Variants in CYB5RL observed in about 807,000 individuals in gnomAD.
CYB5RL encodes the protein cytochrome b5 reductase like.
CYB5RL carries 38 observed loss-of-function variants against 37.5 expected under a neutral mutation model. The observed-to-expected ratio is 1.01, with a 90% CI of 0.78 to 1.33. CYB5RL has a LOEUF of 1.33. CYB5RL is among the 40% of genes most tolerant of loss of function. The pLI, the probability that CYB5RL is intolerant of heterozygous loss-of-function variation, is 0.00. For synonymous variants in CYB5RL, 141 were observed against 151.9 expected (o/e 0.93, Z 0.53); for missense variants, 388 against 394.4 (o/e 0.98, Z 0.14).
chr1:54,175,212 C>T (rs1337979370), intron 7 of CYB5RL, among the ~76,000 whole-genome samples: 2 of 152,216 alleles, frequency 1.3e-5, no homozygotes, highest in Non-Finnish European at 2.9e-5. Context: ...TCATCACCCT[C>T]GGAGCATAAC....
At chr1:54,192,181 A>AT (rs11302690) in intron 3 of CYB5RL, among the ~76,000 whole-genome samples, 68 of 110,856 alleles carry the variant, frequency 6.1e-4, no homozygotes, top group African/African-American at 1.1e-3. Flanking sequence ...CTGTTTGCAA[A>AT]TTTTTTTTTT....
chr1:54,197,044 G>C (rs1054084776), intron 1 of CYB5RL, among the ~76,000 whole-genome samples: 4 of 152,198 alleles, frequency 2.6e-5, no homozygotes, highest in African/African-American at 9.6e-5. Flanking sequence ...TAGACAGAAG[G>C]CTCAAGAAGA....
chr1:54,196,323 G>A (rs982339172), intron 2 of CYB5RL, 46 bp downstream of exon 2: 1 of 152,212 alleles, frequency 6.6e-6, no homozygotes, highest in Non-Finnish European at 1.5e-5. Context: ...GAGTAGCTGA[G>A]ACTACAGGTG....
chr1:54,190,427 C>T (rs951124640), intron 4 of CYB5RL: 7 of 552,552 alleles, frequency 1.3e-5, no homozygotes, highest in Non-Finnish European at 1.9e-5. Flanking sequence ...AGTTTCTGGA[C>T]CTCTCTTACT....
At position 54,190,738 on chromosome 1, in the gene CYB5RL, C is replaced by A; in HGVS notation, c.347+10G>T. 6.4e-7 allele frequency: 1 copy of A among 1,552,048 alleles called. No individual in the cohort carries two copies. On this transcript the variant is annotated intron_variant, in intron 4 of 7. Transcript: ENST00000534324. Reference sequence around the variant, plus strand: ...TGTGAAGCTTTGGTCCTCCCGCTACCTGAGTGTACCGTAGGATGAGGTGCT... The same window carrying A: ...TGTGAAGCTTTGGTCCTCCCGCTACATGAGTGTACCGTAGGATGAGGTGCT...
chr1:54,198,789 G>A (rs1408321048), intron 1 of CYB5RL, among the ~76,000 whole-genome samples: 4 of 151,638 alleles, frequency 2.6e-5, no homozygotes, highest in South Asian at 2.1e-4. Flanking sequence ...GTGCCATCAC[G>A]CCTCGCTAAT....
At chr1:54,182,020 C>T (rs1290968113) in intron 6 of CYB5RL, among the ~76,000 whole-genome samples, 1 of 152,126 alleles carries the variant, frequency 6.6e-6, no homozygotes, top group African/African-American at 2.4e-5. Context: ...GGAGCAGCCA[C>T]AAGGCATTGG....
chr1:54,174,512 G>C lies in CYB5RL; in HGVS notation c.*107C>G, dbSNP rs1659969459. ...ACTTGCCCAAGGTCACCTGGCAAAT[G>C]AGCAGCAGGACCAGGCCTGGACTCC... On this transcript the variant is annotated 3_prime_UTR_variant, in exon 8 of 8. Coordinates refer to ENST00000534324, the MANE Select transcript of CYB5RL (RefSeq NM_001031672.4). 2 of 1,341,538 alleles carry C rather than the reference G, an allele frequency of 1.5e-6. No individual in the cohort carries two copies. Among genetic ancestry groups the C allele is most frequent in the Non-Finnish European group, 1.0e-6 (1 of 965,250 alleles). The allele number at this position is 1,341,538 out of a possible 1,614,324, so 83.1% of individuals were successfully genotyped here.
intron 1 of CYB5RL, among the ~76,000 whole-genome samples, chr1:54,197,312 C>CTTTTTTTTTT (rs199620217): frequency 3.8e-5 from 5 of 130,380 alleles, no homozygotes; most frequent in Non-Finnish European, 6.4e-5. Flanking sequence ...TTTTTCTTTT[C>CTTTTTTTTTT]TTTTCTTTTT....
chr1:54,177,513 GCACC>G, intron 7 of CYB5RL, among the ~76,000 whole-genome samples: 1 of 152,166 alleles, frequency 6.6e-6, no homozygotes, highest in East Asian at 1.9e-4. Flanking sequence ...CATCCTCACA[GCACC>G]TTGTGCTGTG....
Position 54,171,792 on chromosome 1 carries a change from C to A in CYB5RL, c.*2827G>T. On this transcript the variant is annotated 3_prime_UTR_variant, in exon 8 of 8. Transcript: ENST00000534324. ...GATGGGAACCATGCCCCCACAGCTC[C>A]AAGAGGTCTGAACTCACACACCACA... 1 of 299,358 alleles carries A rather than the reference C, an allele frequency of 3.3e-6. No homozygotes were observed. The highest frequency in any genetic ancestry group is 6.6e-6 in the Non-Finnish European group (1 of 151,720). The allele number at this position is 299,358 out of a possible 1,614,324, so 18.5% of individuals were successfully genotyped here.
rs3795360 is a variant in CYB5RL, at chr1:54,171,529, C to T, written c.*3090G>A. On this transcript the variant is annotated 3_prime_UTR_variant, in exon 8 of 8. Transcript: ENST00000534324. ...GGTGAGGGCTGAACTAAAGCCAATG[C>T]CGCTTCTGCGACCAAGAATCTGTCC... 16,895 of 422,626 alleles carry T rather than the reference C, an allele frequency of 0.04. 1,011 individuals carry two copies. The highest frequency in any genetic ancestry group is 0.27 in the East Asian group (3,746 of 13,972). The allele number at this position is 422,626 out of a possible 1,614,324, so 26.2% of individuals were successfully genotyped here. A position where few individuals can be genotyped will look rare whatever the true frequency, so the allele number is the denominator to read the frequency against.
intron 6 of CYB5RL, among the ~76,000 whole-genome samples, chr1:54,179,759 C>T (rs1037509656): frequency 6.6e-6 from 1 of 152,172 alleles, no homozygotes; most frequent in Non-Finnish European, 1.5e-5. Context: ...CTGAAACCTG[C>T]TCCCATCAAA....
In CYB5RL at chr1:54,174,056, C is replaced by G. The variant is rs1381765782; in HGVS notation, c.*563G>C. ...AGGCTTGGGGCCAATACAAGACAGT[C>G]GAGGGCCCCACCTTGCTCTCAGGAT... On this transcript the variant is annotated 3_prime_UTR_variant, in exon 8 of 8. Coordinates refer to ENST00000534324, the MANE Select transcript of CYB5RL (RefSeq NM_001031672.4). 6.3e-6 allele frequency: 1 copy of G among 159,584 alleles called. No individual in the cohort carries two copies. The highest frequency in any genetic ancestry group is 1.7e-4 in the South Asian group (1 of 5,726). 9.9% of individuals were successfully genotyped at this position (159,584 alleles called of 1,614,324 possible).
intron 3 of CYB5RL, among the ~76,000 whole-genome samples, chr1:54,191,210 A>T (rs1359606027): frequency 1.3e-5 from 2 of 152,148 alleles, no homozygotes; most frequent in Non-Finnish European, 2.9e-5. Context: ...TCTCCCAGGC[A>T]TCTAATGCCA....
intron 1 of CYB5RL, among the ~76,000 whole-genome samples, chr1:54,197,007 C>T (rs968607538): frequency 6.6e-6 from 1 of 152,144 alleles, no homozygotes; most frequent in African/African-American, 2.4e-5. Context: ...GGACATCCAA[C>T]CCCTCGGATC....
chr1:54,176,133 T>C (rs747062014), intron 7 of CYB5RL, among the ~76,000 whole-genome samples: 11 of 152,128 alleles, frequency 7.2e-5, no homozygotes, highest in Non-Finnish European at 1.2e-4. Context: ...ATCATGATTG[T>C]GAGGAGAGTA....
At position 54,170,035 on chromosome 1, in the gene CYB5RL, G is replaced by C. The variant is rs911733557; in HGVS notation, c.*4584C>G. 6.6e-6 allele frequency: 1 copy of C among 152,204 alleles called. No individual in the cohort carries two copies. The highest frequency in any genetic ancestry group is 1.5e-5 in the Non-Finnish European group (1 of 68,042). 9.4% of individuals were successfully genotyped at this position (152,204 alleles called of 1,614,324 possible). On this transcript the variant is annotated 3_prime_UTR_variant, in exon 8 of 8. Coordinates refer to ENST00000534324, the MANE Select transcript of CYB5RL (RefSeq NM_001031672.4). ...TCGTCTATATTGGTACATGCGGATG[G>C]AGTTCACTTTAATTGCTGTATCTAC...
intron 2 of CYB5RL, among the ~76,000 whole-genome samples, chr1:54,196,156 A>G (rs902182618): frequency 1.3e-5 from 2 of 152,184 alleles, no homozygotes; most frequent in Non-Finnish European, 2.9e-5. Context: ...TTTATACAGA[A>G]AAGTCTCATT....
Sources: gnomAD v4.1 joint callset for allele counts (sites outside exome capture counted in the v4.1 genomes callset) on GRCh38, gnomAD v4.1.1 for gene constraint, MANE v1.5 for transcripts, NCBI Gene and HGNC (gene_info 2026-07-23, HGNC 2026-07-21) for gene names.